The following ANKRD55 variants were observed in gnomAD, a reference collection of about 807,000 sequenced individuals.
ANKRD55 encodes the protein ankyrin repeat domain 55.
A neutral mutation model predicts 60.6 loss-of-function variants in ANKRD55; 41 were observed. The ratio of observed to expected loss-of-function variants is 0.68; its 90% CI spans 0.53 to 0.88. The LOEUF (loss-of-function observed/expected upper bound fraction) is 0.88. ANKRD55 is among the 40% of genes least tolerant of loss of function. ANKRD55 has a pLI of 0.00. For missense variants in ANKRD55, 732 were observed against 767.6 expected, an observed-to-expected ratio of 0.95 and a Z score of 0.55; for synonymous variants, 264 against 290.3, an observed-to-expected ratio of 0.91 and a Z score of 0.92.
At chr5:56,120,425 G>T (rs1319483818) in intron 8 of ANKRD55, among the ~76,000 whole-genome samples, 1 of 152,202 alleles carries the variant, frequency 6.6e-6, no homozygotes, top group Non-Finnish European at 1.5e-5. Flanking sequence ...TAAGGGGATG[G>T]TTGACTTTGT....
chr5:56,158,287 G>A (rs556240945), intron 6 of ANKRD55, among the ~76,000 whole-genome samples: 7 of 152,178 alleles, frequency 4.6e-5, no homozygotes, highest in African/African-American at 1.7e-4. Flanking sequence ...TGAAAATAAT[G>A]TAATCGGCAT....
At chr5:56,166,111 T>TTTCTTTCTTTCTTTCTTTC (rs1758453826) in intron 5 of ANKRD55, among the ~76,000 whole-genome samples, 5 of 76,196 alleles carry the variant, frequency 6.6e-5, no homozygotes, top group African/African-American at 3.1e-4. Context: ...TCTTTCTTTC[T>TTTCTTTCTTTCTTTCTTTC]TTCTTTCTTT....
intron 10 of ANKRD55, among the ~76,000 whole-genome samples, chr5:56,105,235 C>T (rs111892066): frequency 5.9e-5 from 9 of 152,014 alleles, no homozygotes; most frequent in Non-Finnish European, 1.3e-4. Context: ...TACAGGCGTG[C>T]GCCACCACAC....
intron 2 of ANKRD55, among the ~76,000 whole-genome samples, chr5:56,230,489 A>G (rs1215452527): frequency 2.0e-5 from 3 of 152,180 alleles, no homozygotes; most frequent in Non-Finnish European, 4.4e-5. Context: ...TCTGCATGTA[A>G]AGACAGTACT....
chr5:56,175,946 G>T (rs911482214), intron 4 of ANKRD55, among the ~76,000 whole-genome samples: 9 of 152,182 alleles, frequency 5.9e-5, no homozygotes, highest in Admixed American at 5.9e-4. Flanking sequence ...TTAGAGGATT[G>T]TTAGGAAGAT....
At chr5:56,179,399 G>A (rs560867196) in intron 3 of ANKRD55, among the ~76,000 whole-genome samples, 2 of 152,238 alleles carry the variant, frequency 1.3e-5, no homozygotes, top group African/African-American at 4.8e-5. Context: ...CTTCAGAATA[G>A]CGGTTAGTTA....
At chr5:56,146,472 G>C (rs1325439915) in intron 6 of ANKRD55, among the ~76,000 whole-genome samples, 1 of 151,998 alleles carries the variant, frequency 6.6e-6, no homozygotes, top group Non-Finnish European at 1.5e-5. Context: ...TTTTAGTAGA[G>C]ACAGGTTTCA....
chr5:56,193,152 TA>T, intron 2 of ANKRD55: 1 of 690,030 alleles, frequency 1.4e-6, no homozygotes. Flanking sequence ...AAGCCCTTTG[TA>T]AAACAGGGCT....
intron 7 of ANKRD55, among the ~76,000 whole-genome samples, chr5:56,129,318 T>C (rs1227956897): frequency 6.6e-6 from 1 of 152,198 alleles, no homozygotes; most frequent in African/African-American, 2.4e-5. Context: ...AGAAACAGTA[T>C]TGTACATATC....
intron 9 of ANKRD55, among the ~76,000 whole-genome samples, chr5:56,112,941 A>G (rs935457135): frequency 6.6e-6 from 1 of 152,210 alleles, no homozygotes; most frequent in African/African-American, 2.4e-5. Flanking sequence ...TCCATGATGT[A>G]GTCTTATCTT....
chr5:56,112,511 A>AAAAAAAAAAACAAAAAAAAAAC (rs746250279), intron 9 of ANKRD55, among the ~76,000 whole-genome samples: 1 of 81,528 alleles, frequency 1.2e-5, no homozygotes, highest in African/African-American at 5.4e-5. Flanking sequence ...TAGCAAAAAA[A>AAAAAAAAAAACAAAAAAAAAAC]AAAAAAAAAA....
At chr5:56,164,336 C>A (rs1163571678) in intron 5 of ANKRD55, among the ~76,000 whole-genome samples, 1 of 152,048 alleles carries the variant, frequency 6.6e-6, no homozygotes, top group African/African-American at 2.4e-5. Context: ...AATGGTCCCA[C>A]AACCAGCCGT....
intron 8 of ANKRD55, among the ~76,000 whole-genome samples, chr5:56,124,470 C>T (rs1286485602): frequency 9.9e-5 from 15 of 152,068 alleles, no homozygotes; most frequent in Admixed American, 7.2e-4. Flanking sequence ...GCACATAAAC[C>T]TGTGCAAACT....
intron 2 of ANKRD55, among the ~76,000 whole-genome samples, chr5:56,212,895 T>C (rs1377741178): frequency 6.6e-6 from 1 of 152,182 alleles, no homozygotes; most frequent in Non-Finnish European, 1.5e-5. Context: ...TAAAACGAGA[T>C]AGTTCTATAT....
In ANKRD55 at chr5:56,117,950, C is replaced by T. The variant is rs1035148436; in HGVS notation, c.798-1168G>A. Among the ~76,000 whole-genome samples, 10 of 152,176 alleles carry T rather than the reference C, an allele frequency of 6.6e-5. No homozygotes were observed. In the East Asian group the frequency reaches 1.7e-3, roughly 27 times the overall value. ...CTGAGGTCAGGAGTTCAAGAGCAGC[C>T]TGGCCAACAAGGCAAAACACTGTCT... On this transcript the variant is annotated intron_variant, in intron 8 of 11. Coordinates refer to ENST00000341048, the MANE Select transcript of ANKRD55 (RefSeq NM_024669.3).
chr5:56,120,257 G>A (rs765693397), intron 8 of ANKRD55, among the ~76,000 whole-genome samples: 16 of 152,036 alleles, frequency 1.1e-4, no homozygotes, highest in South Asian at 2.1e-4. Flanking sequence ...GGATGGTTTC[G>A]ATCTCCTGAT....
intron 6 of ANKRD55, among the ~76,000 whole-genome samples, chr5:56,153,982 C>T (rs139967292): frequency 5.3e-5 from 8 of 151,688 alleles, no homozygotes; most frequent in Non-Finnish European, 1.2e-4. Context: ...GAGGCTGAGG[C>T]GGGTGGGTCA....
At chr5:56,159,796 G>T in intron 6 of ANKRD55, 37 bp downstream of exon 6, 2 of 1,605,634 alleles carry the variant, frequency 1.2e-6, no homozygotes, top group Non-Finnish European at 1.7e-6. Context: ...ACCCTCACAT[G>T]CAAAATGACC....
intron 5 of ANKRD55, among the ~76,000 whole-genome samples, chr5:56,166,199 T>TTCTCTCTC (rs60941066): frequency 1.0e-5 from 1 of 96,122 alleles, no homozygotes; most frequent in South Asian, 3.2e-4. Context: ...CCTTCCTTCC[T>TTCTCTCTC]TCTCTCTCTC....
Sources: gnomAD v4.1 joint callset for allele counts (sites outside exome capture counted in the v4.1 genomes callset) on GRCh38, gnomAD v4.1.1 for gene constraint, MANE v1.5 for transcripts, NCBI Gene and HGNC (gene_info 2026-07-23, HGNC 2026-07-21) for gene names.